Variants in ARMC3 observed in about 807,000 individuals in gnomAD.
The protein encoded by ARMC3 is armadillo repeat-containing protein 3.
ARMC3 carries 74 observed loss-of-function variants against 90.3 expected under a neutral mutation model. The ratio of observed to expected loss-of-function variants is 0.82; its 90% CI spans 0.68 to 0.99. The LOEUF (loss-of-function observed/expected upper bound fraction) is 0.99, where lower values mean the gene tolerates loss of function less well. ARMC3 is among the 50% of genes least tolerant of loss of function. The probability of loss-of-function intolerance (pLI) is 0.00; values close to 1 mark genes in which losing one functional copy is unlikely to be tolerated. For missense variants in ARMC3, 958 were observed against 1,042.8 expected, an observed-to-expected ratio of 0.92 and a Z score of 1.12; for synonymous variants, 334 against 361.8, an observed-to-expected ratio of 0.92 and a Z score of 0.87.
intron 16 of ARMC3, among the ~76,000 whole-genome samples, chr10:23,012,373 C>A (rs1010692393): frequency 6.6e-6 from 1 of 152,038 alleles, no homozygotes; most frequent in East Asian, 1.9e-4. Context: ...TTTGCAATAC[C>A]GTAAATATCA....
At chr10:22,992,738 C>G (rs1404954305) in intron 10 of ARMC3, among the ~76,000 whole-genome samples, 1 of 152,166 alleles carries the variant, frequency 6.6e-6, no homozygotes, top group Non-Finnish European at 1.5e-5. Flanking sequence ...CAAACACACT[C>G]CACTTCTTGG....
At chr10:23,016,826 C>T (rs1034541349) in intron 16 of ARMC3, among the ~76,000 whole-genome samples, 10 of 152,172 alleles carry the variant, frequency 6.6e-5, no homozygotes, top group African/African-American at 2.4e-4. Context: ...CTTGTTCTTA[C>T]ATCAGGCAGC....
At position 23,030,796 on chromosome 10, in the gene ARMC3, A is replaced by G. The variant is rs1473102028; in HGVS notation, c.2246A>G (p.Lys749Arg). ...AAGGAACAGATTGAGGATCTGGCAAAGTAAGTTGTCTATGTATATATGTGT... is the reference window on the plus strand; with the variant it reads ...AAGGAACAGATTGAGGATCTGGCAAGGTAAGTTGTCTATGTATATATGTGT... ...NIKEQIEDLA[K>R]YVAEKMGGKI... The change falls in exon 17 of 19, where the codon AAG becomes AGG. Residue 749 changes from lysine to arginine, a missense_variant and splice_region_variant. Coordinates refer to ENST00000298032, the MANE Select transcript of ARMC3 (RefSeq NM_173081.5). The G allele has an allele frequency of 1.9e-6, 3 of 1,613,336 alleles. No homozygotes were observed. In the Admixed American group the frequency reaches 5.0e-5, roughly 27 times the overall value.
At chr10:22,953,926 T>A (rs1436159577) in intron 3 of ARMC3, among the ~76,000 whole-genome samples, 1 of 152,332 alleles carries the variant, frequency 6.6e-6, no homozygotes, top group Non-Finnish European at 1.5e-5. Flanking sequence ...CATCAACATT[T>A]TAAGAAACTG....
intron 8 of ARMC3, among the ~76,000 whole-genome samples, chr10:22,979,347 C>G (rs1265177135): frequency 4.6e-5 from 7 of 152,110 alleles, no homozygotes; most frequent in African/African-American, 9.7e-5. Flanking sequence ...TCTTTTAAAT[C>G]TATTATAGCC....
At chr10:22,981,883 T>G (rs868275526) in intron 10 of ARMC3, among the ~76,000 whole-genome samples, 183 bp downstream of exon 10, 2 of 152,184 alleles carry the variant, frequency 1.3e-5, no homozygotes, top group South Asian at 4.1e-4. Flanking sequence ...TCCAAAAATA[T>G]TACAAAATCT....
chr10:22,941,354 A>G (rs1319997441), intron 2 of ARMC3, among the ~76,000 whole-genome samples: 1 of 152,162 alleles, frequency 6.6e-6, no homozygotes, highest in Non-Finnish European at 1.5e-5. Context: ...ACTGAAAATT[A>G]CTGCATTGTA....
intron 3 of ARMC3, among the ~76,000 whole-genome samples, chr10:22,954,927 CA>C (rs1165270226): frequency 1.3e-5 from 2 of 152,012 alleles, no homozygotes; most frequent in Admixed American, 1.3e-4. Flanking sequence ...TAAGGAGAGC[CA>C]GGGGTGTAAT....
chr10:23,030,501 C>G, intron 16 of ARMC3, 95 bp from the exon 17 acceptor site: 1 of 1,502,430 alleles, frequency 6.7e-7, no homozygotes, highest in Non-Finnish European at 8.9e-7. Context: ...TTCACTGTAC[C>G]TTTTTTCTGT....
At chr10:22,981,118 A>G (rs890156975) in intron 8 of ARMC3, among the ~76,000 whole-genome samples, 3 of 152,234 alleles carry the variant, frequency 2.0e-5, no homozygotes, top group Admixed American at 2.0e-4. Context: ...CCTTGGCCGT[A>G]GTATTGATCT....
intron 10 of ARMC3, among the ~76,000 whole-genome samples, chr10:22,989,456 G>T (rs1477034520): frequency 6.6e-6 from 1 of 151,996 alleles, no homozygotes; most frequent in Non-Finnish European, 1.5e-5. Context: ...CTCTAGAGTC[G>T]ATTTTTTGCT....
chr10:22,990,101 C>T (rs1836635538), intron 10 of ARMC3, among the ~76,000 whole-genome samples: 1 of 152,202 alleles, frequency 6.6e-6, no homozygotes, highest in Non-Finnish European at 1.5e-5. Context: ...GTTGCTAGTA[C>T]TCTCTTTCAG....
chr10:23,000,917 A>G (rs189468637), intron 11 of ARMC3, among the ~76,000 whole-genome samples: 1 of 152,228 alleles, frequency 6.6e-6, no homozygotes, highest in Non-Finnish European at 1.5e-5. Context: ...ACTCTGCCCA[A>G]TCTTTTTTTT....
chr10:23,014,974 TA>T (rs1004944956), intron 16 of ARMC3, among the ~76,000 whole-genome samples: 10 of 146,470 alleles, frequency 6.8e-5, no homozygotes, highest in East Asian at 6.0e-4. Context: ...AAATAAAAGT[TA>T]AAAAAAAATT....
chr10:22,929,924 T>C (rs943215595), intron 1 of ARMC3, among the ~76,000 whole-genome samples: 1 of 152,218 alleles, frequency 6.6e-6, no homozygotes, highest in African/African-American at 2.4e-5. Flanking sequence ...ACTGTCTGTG[T>C]AAGCTCTTCT....
At chr10:22,989,157 G>C (rs1437880511) in intron 10 of ARMC3, among the ~76,000 whole-genome samples, 3 of 152,122 alleles carry the variant, frequency 2.0e-5, no homozygotes, top group African/African-American at 7.2e-5. Flanking sequence ...ATTTAATTTG[G>C]AACACTCTCC....
chr10:22,986,116 C>T (rs542760254), intron 10 of ARMC3, among the ~76,000 whole-genome samples: 1 of 147,704 alleles, frequency 6.8e-6, no homozygotes, highest in African/African-American at 2.5e-5. Context: ...GCACGCCCCC[C>T]CCCCGCGCCA....
intron 6 of ARMC3, chr10:22,960,856 G>A (rs1171911768): frequency 6.6e-6 from 1 of 152,306 alleles, no homozygotes; most frequent in Non-Finnish European, 1.5e-5. Flanking sequence ...CCAGCTTCAT[G>A]TAGTGGCCAT....
intron 10 of ARMC3, among the ~76,000 whole-genome samples, chr10:22,991,788 G>A (rs762314238): frequency 2.0e-5 from 3 of 152,082 alleles, no homozygotes; most frequent in Non-Finnish European, 4.4e-5. Context: ...CCTGGCAAGC[G>A]CAGGGATTTT....
Sources: allele counts gnomAD v4.1 joint callset (sites outside exome capture counted in the v4.1 genomes callset), GRCh38; gene constraint gnomAD v4.1.1; transcripts MANE v1.5; gene names NCBI Gene and HGNC (gene_info 2026-07-23, HGNC 2026-07-21).